The following ANK3 variants were observed in gnomAD, a reference collection of about 807,000 sequenced individuals.
The protein encoded by ANK3 is ankyrin-3.
Under a neutral mutation model 370.9 loss-of-function variants are expected in ANK3, and 57 were observed. The ratio of observed to expected loss-of-function variants is 0.15; its 90% CI spans 0.12 to 0.19. ANK3 has a LOEUF of 0.19. Ranked by LOEUF, ANK3 falls within the 10% of genes least tolerant of loss-of-function variation. The pLI, the probability that ANK3 is intolerant of heterozygous loss-of-function variation, is 1.00. For missense variants in ANK3, 4,439 were observed against 5,302.1 expected, an observed-to-expected ratio of 0.84 and a Z score of 5.06; for synonymous variants, 1,929 against 1,946.3, an observed-to-expected ratio of 0.99 and a Z score of 0.23.
chr10:60,228,532 CA>C (rs72450397), intron 8 of ANK3, among the ~76,000 whole-genome samples: 8,663 of 94,844 alleles, frequency 0.091, 613 homozygotes, highest in African/African-American at 0.3. Context: ...ACTGTGTCTC[CA>C]AAAAAAAAAA....
intron 42 of ANK3, chr10:60,043,412 T>C (rs1301788653): frequency 3.6e-5 from 35 of 983,534 alleles, no homozygotes; most frequent in South Asian, 9.4e-5. Flanking sequence ...ACATTGTCTA[T>C]TGAAGTTTCT....
chr10:60,505,470 C>G (rs1460277371), intron 2 of ANK3, among the ~76,000 whole-genome samples: 1 of 151,980 alleles, frequency 6.6e-6, no homozygotes, highest in Non-Finnish European at 1.5e-5. Context: ...TTCTTGAAGA[C>G]TAATTTTTGT....
intron 1 of ANK3, among the ~76,000 whole-genome samples, chr10:60,652,640 A>G (rs1257950049): frequency 1.3e-5 from 2 of 150,616 alleles, no homozygotes; most frequent in Non-Finnish European, 3.0e-5. Flanking sequence ...GGAAGACACC[A>G]GCTTGTTTAC....
chr10:60,142,712 C>CT (rs1378707051), intron 23 of ANK3, among the ~76,000 whole-genome samples: 8 of 152,052 alleles, frequency 5.3e-5, no homozygotes. Context: ...TGTCAACACA[C>CT]TTGGCCAAAG....
rs537987974 is a variant in ANK3 at position 60,516,566 on chromosome 10, G to A, written c.96+98620C>T. Reference sequence around the variant, plus strand: ...CTCCTGTAGACAAAATAATGAGGCTGCTGTTTTGCCAAATATTTTCTCACC... The same window carrying A: ...CTCCTGTAGACAAAATAATGAGGCTACTGTTTTGCCAAATATTTTCTCACC... On this transcript the variant is annotated intron_variant, in intron 2 of 43. Coordinates refer to the ANK3 transcript ENST00000373827. Among the ~76,000 whole-genome samples the A allele has an allele frequency of 3.9e-5, 6 of 152,140 alleles. No individual in the cohort carries two copies. The East Asian group carries it at 1.2e-3, about 29-fold the overall frequency.
At chr10:60,629,818 T>C (rs2078458634) in intron 1 of ANK3, among the ~76,000 whole-genome samples, 1 of 152,226 alleles carries the variant, frequency 6.6e-6, no homozygotes, top group African/African-American at 2.4e-5. Context: ...ATGTAATTTA[T>C]ATTTTTTTAA....
intron 43 of ANK3, among the ~76,000 whole-genome samples, chr10:60,036,190 T>A (rs2074917513): frequency 6.6e-6 from 1 of 152,168 alleles, no homozygotes; most frequent in Admixed American, 6.5e-5. Context: ...TTCTGAAGTG[T>A]AAACCACCAT....
chr10:60,450,277 G>A (rs982996491), intron 2 of ANK3, among the ~76,000 whole-genome samples: 2 of 152,174 alleles, frequency 1.3e-5, no homozygotes, highest in African/African-American at 4.8e-5. Flanking sequence ...TAGCCTGGGT[G>A]ACAGCGGGAG....
rs961234690 is a variant in ANK3, at chr10:60,266,398, C to CA, written c.514-2379dup. Reference sequence around the variant, plus strand: ...TCATTTATGTAATGTATTACTTTTGCAAAAAAAAGAAAATATGCATTGTTT... The same window carrying CA: ...TCATTTATGTAATGTATTACTTTTGCAAAAAAAAAGAAAATATGCATTGTTT... On this transcript the variant is annotated intron_variant, in intron 5 of 43. Transcript: ENST00000280772. Among the ~76,000 whole-genome samples the CA allele has an allele frequency of 7.9e-5, 12 of 151,078 alleles. No individual in the cohort carries two copies. The East Asian group carries it at 1.5e-3, about 19-fold the overall frequency.
chr10:60,280,048 T>C (rs1173152488), intron 1 of ANK3, among the ~76,000 whole-genome samples: 1 of 152,180 alleles, frequency 6.6e-6, no homozygotes, highest in Non-Finnish European at 1.5e-5. Context: ...TTTCCATTAA[T>C]GGATTCAAAA....
chr10:60,211,688 C>T (rs1318228545), intron 9 of ANK3, among the ~76,000 whole-genome samples: 2 of 151,872 alleles, frequency 1.3e-5, no homozygotes, highest in Admixed American at 6.6e-5. Context: ...CACATGTGTG[C>T]ACTGCAAAGG....
At chr10:60,627,627 T>C (rs2078429663) in intron 1 of ANK3, among the ~76,000 whole-genome samples, 1 of 152,132 alleles carries the variant, frequency 6.6e-6, no homozygotes, top group Non-Finnish European at 1.5e-5. Flanking sequence ...TAATTAGCTA[T>C]GATATCGTTT....
At chr10:60,428,730 A>C (rs1284559486) in intron 2 of ANK3, among the ~76,000 whole-genome samples, 1 of 152,190 alleles carries the variant, frequency 6.6e-6, no homozygotes, top group Non-Finnish European at 1.5e-5. Context: ...TAGAAAGGGC[A>C]AGGTAATTTC....
At chr10:60,277,980 A>G (rs1426401099) in intron 4 of ANK3, among the ~76,000 whole-genome samples, 9 of 152,196 alleles carry the variant, frequency 5.9e-5, no homozygotes, top group Admixed American at 5.9e-4. Context: ...TCAAATAATG[A>G]ATACTTGAAT....
intron 1 of ANK3, among the ~76,000 whole-genome samples, chr10:60,732,122 A>G (rs542890512): frequency 2.0e-5 from 3 of 152,280 alleles, no homozygotes; most frequent in Non-Finnish European, 4.4e-5. Flanking sequence ...AATGTGCCTC[A>G]TTTTTAAAAC....
chr10:60,351,823 G>C (rs541976482), intron 1 of ANK3, among the ~76,000 whole-genome samples: 80 of 152,014 alleles, frequency 5.3e-4, no homozygotes, highest in African/African-American at 1.7e-3. Flanking sequence ...GAATGTAAAG[G>C]TACACCTCCC....
intron 2 of ANK3, among the ~76,000 whole-genome samples, chr10:60,491,115 A>T (rs924315163): frequency 1.3e-5 from 2 of 152,172 alleles, no homozygotes; most frequent in African/African-American, 4.8e-5. Flanking sequence ...TCAGTTATTC[A>T]TTTCAATTTT....
chr10:60,596,765 T>TA (rs1300091246), intron 2 of ANK3, among the ~76,000 whole-genome samples: 3 of 152,098 alleles, frequency 2.0e-5, no homozygotes, highest in Non-Finnish European at 4.4e-5. Flanking sequence ...TTCTCCTGAT[T>TA]AAAAAAATGC....
In ANK3 at chr10:60,084,668, G is replaced by T. The variant is rs571326921; in HGVS notation, c.4008C>A (p.Asp1336Glu). 6.2e-7 allele frequency: 1 copy of T among 1,613,746 alleles called. No homozygotes were observed. The highest frequency in any genetic ancestry group is 2.2e-5 in the East Asian group (1 of 44,844). Residue 1336 changes from aspartate to glutamate, a missense_variant, in exon 32 of 44, where the codon GAC (aspartate) becomes GAA (glutamate). Coordinates refer to ENST00000280772, the MANE Select transcript of ANK3 (RefSeq NM_020987.5). ...SSLRCFCMTD[D>E]KVDKTLEQQE... Reference sequence around the variant, plus strand: ...GTTGCTCTAAAGTTTTGTCCACTTTGTCATCTGTCATGCAGAAACATCGCA... The same window carrying T: ...GTTGCTCTAAAGTTTTGTCCACTTTTTCATCTGTCATGCAGAAACATCGCA...
Sources: allele counts gnomAD v4.1 joint callset (sites outside exome capture counted in the v4.1 genomes callset), GRCh38; gene constraint gnomAD v4.1.1; transcripts MANE v1.5; gene names NCBI Gene and HGNC (gene_info 2026-07-23, HGNC 2026-07-21).